The following GRIP2 variants were observed in gnomAD, a reference collection of about 807,000 sequenced individuals.
GRIP2 encodes the protein glutamate receptor interacting protein 2.
In GRIP2, 58 loss-of-function variants were observed where a neutral mutation model predicts 108.3. That is an observed-to-expected ratio of 0.54 (90% CI 0.43 to 0.67). The LOEUF (loss-of-function observed/expected upper bound fraction) is 0.67, where lower values mean the gene tolerates loss of function less well. Among genes scored for constraint, GRIP2 ranks in the 30% least tolerant of loss-of-function variants. The pLI, the probability that GRIP2 is intolerant of heterozygous loss-of-function variation, is 0.00. For synonymous variants in GRIP2, 586 were observed against 598.2 expected (o/e 0.98, Z 0.30); for missense variants, 1,278 against 1,430.6 (o/e 0.89, Z 1.72).
the GRIP2 span, among the ~76,000 whole-genome samples, chr3:14,595,992 A>G: frequency 6.6e-6 from 1 of 152,258 alleles, no homozygotes; most frequent in African/African-American, 2.4e-5. Context: ...ATGAGGCTCT[A>G]TATCCAGTGA....
At chr3:14,548,084 A>T (rs140825680) in intron 1 of GRIP2, among the ~76,000 whole-genome samples, 1 of 152,298 alleles carries the variant, frequency 6.6e-6, no homozygotes, top group Non-Finnish European at 1.5e-5. Context: ...GCAGTGTCTG[A>T]GCCACGCCTT....
At position 14,512,862 on chromosome 3, in the gene GRIP2, G is replaced by A; in HGVS notation, c.1640-5C>T. 1 of 1,613,646 alleles carries A rather than the reference G, an allele frequency of 6.2e-7. No individual in the cohort carries two copies. Among genetic ancestry groups the A allele is most frequent in the Non-Finnish European group, 8.5e-7 (1 of 1,179,810 alleles). ...CACTGCTTGGGATGACGGACTCTGG[G>A]GGTAGATGGACATAAACCGACGTGA... On this transcript the variant is annotated splice_region_variant and splice_polypyrimidine_tract_variant and intron_variant, in intron 13 of 23. Transcript: ENST00000621039. This position sits in a 1 kb window ranked among gnomAD's most constrained non-coding sequence, Gnocchi z 5.1.
At chr3:14,570,681 T>C in the GRIP2 span, among the ~76,000 whole-genome samples, 4 of 152,348 alleles carry the variant, frequency 2.6e-5, no homozygotes, top group African/African-American at 9.6e-5. Context: ...TAACTCATTG[T>C]TAGTGTATTT....
chr3:14,599,047 C>T, the GRIP2 span, among the ~76,000 whole-genome samples: 3 of 152,178 alleles, frequency 2.0e-5, no homozygotes, highest in Admixed American at 6.5e-5. Flanking sequence ...TCACTGATGA[C>T]TCTCTGAAAC....
At chr3:14,574,668 GC>G in the GRIP2 span, 1 of 637,166 alleles carries the variant, frequency 1.6e-6, no homozygotes, top group Non-Finnish European at 3.0e-6. Flanking sequence ...CGTGTTTTCC[GC>G]CAGAAAGCTG....
chr3:14,542,685 G>A (rs1411147459), upstream of GRIP2, among the ~76,000 whole-genome samples: 1 of 152,204 alleles, frequency 6.6e-6, no homozygotes, highest in Non-Finnish European at 1.5e-5. Flanking sequence ...GCCATGCTAT[G>A]CAATGTAGGC....
chr3:14,524,337 C>A, intron 4 of GRIP2, 56 bp downstream of exon 4: 1 of 1,562,604 alleles, frequency 6.4e-7, no homozygotes, highest in East Asian at 2.3e-5. Context: ...GGGGAGGTAG[C>A]CGTGTCCACC....
chr3:14,517,300 C>T (rs1694276474), intron 10 of GRIP2, 87 bp from the exon 11 acceptor site: 1 of 1,368,222 alleles, frequency 7.3e-7, no homozygotes, highest in Non-Finnish European at 9.7e-7. Context: ...CACCCAACCA[C>T]AGGGAGAGAT....
intron 22 of GRIP2, among the ~76,000 whole-genome samples, 190 bp from the exon 23 acceptor site, chr3:14,495,179 A>T (rs1387914206): frequency 7.5e-6 from 1 of 133,924 alleles, no homozygotes; most frequent in African/African-American, 2.9e-5. Context: ...AACCTCCCTC[A>T]GCAGATGCTC....
At position 14,503,636 on chromosome 3, in the gene GRIP2, C is replaced by G. The variant is rs535501115; in HGVS notation, c.2609G>C (p.Trp870Ser). ...TTCGAGAGCTTCTCCAAACATGCGC[C>G]AGAAGCCCTCCTCTCGGGCAGGGCC... ...APGPAREEGF[W>S]RMFGEALEDL... is the part of the protein sequence containing the mutation. The change falls in exon 21 of 24, where the codon TGG becomes TCG. Residue 870 changes from tryptophan to serine, a missense_variant. Coordinates refer to ENST00000621039, the MANE Select transcript of GRIP2 (RefSeq NM_001080423.4). The G allele has an allele frequency of 5.0e-6, 8 of 1,606,676 alleles. No homozygotes were observed. The highest frequency in any genetic ancestry group is 5.9e-6 in the Non-Finnish European group (7 of 1,177,870).
chr3:14,601,635 C>T, the GRIP2 span, among the ~76,000 whole-genome samples: 1 of 152,166 alleles, frequency 6.6e-6, no homozygotes, highest in Non-Finnish European at 1.5e-5. Flanking sequence ...AGACCCTCCA[C>T]GGGCTCTGCC....
chr3:14,519,580 G>A (rs1694349371), intron 9 of GRIP2, among the ~76,000 whole-genome samples: 1 of 152,144 alleles, frequency 6.6e-6, no homozygotes, highest in Non-Finnish European at 1.5e-5. Flanking sequence ...CTGCCCCTCT[G>A]TGGCCACCCC....
upstream of GRIP2, among the ~76,000 whole-genome samples, chr3:14,557,090 G>C (rs190765693): frequency 5.3e-5 from 8 of 152,350 alleles, no homozygotes; most frequent in African/African-American, 1.9e-4. Flanking sequence ...AGCCTCCCTT[G>C]AGAAAGTCGG....
chr3:14,510,590 G>T (rs1054249833), intron 16 of GRIP2, among the ~76,000 whole-genome samples: 1 of 152,042 alleles, frequency 6.6e-6, no homozygotes, highest in African/African-American at 2.4e-5. Flanking sequence ...GAAAAGAAAA[G>T]AAAAGAAAAG....
upstream of GRIP2, among the ~76,000 whole-genome samples, chr3:14,560,483 C>G (rs1036367226): frequency 1.8e-4 from 27 of 152,134 alleles, no homozygotes; most frequent in Admixed American, 1.8e-3. Flanking sequence ...GACCAAGTAG[C>G]CTATCCCAAT....
chr3:14,567,022 T>TTGAATGAATGAA, the GRIP2 span, among the ~76,000 whole-genome samples: 2 of 151,820 alleles, frequency 1.3e-5, no homozygotes, highest in Non-Finnish European at 1.5e-5. Flanking sequence ...AAGGACTCAC[T>TTGAATGAATGAA]TGAATGAATG....
chr3:14,573,054 C>T, the GRIP2 span: 37 of 1,380,530 alleles, frequency 2.7e-5, no homozygotes, highest in Admixed American at 6.7e-5. Flanking sequence ...GCTGATGTAG[C>T]GCTAGAAGGC....
At chr3:14,524,307 C>T in intron 4 of GRIP2, 86 bp downstream of exon 4, 2 of 1,465,912 alleles carry the variant, frequency 1.4e-6, no homozygotes, top group Non-Finnish European at 1.8e-6. Context: ...TGGCATGATC[C>T]CTGCCACCCA....
chr3:14,509,364 C>T (rs1335582244), intron 17 of GRIP2, among the ~76,000 whole-genome samples: 1 of 152,368 alleles, frequency 6.6e-6, no homozygotes, highest in Non-Finnish European at 1.5e-5. Flanking sequence ...GGACAGGGCT[C>T]CATTCTTACA....
Sources: gnomAD v4.1 joint callset for allele counts (sites outside exome capture counted in the v4.1 genomes callset) on GRCh38, gnomAD v4.1.1 for gene constraint, Gnocchi (gnomAD v3.1) non-coding constraint, MANE v1.5 for transcripts, NCBI Gene and HGNC (gene_info 2026-07-23, HGNC 2026-07-21) for gene names.